The following PDE4DIP variants were observed in gnomAD, a reference collection of about 807,000 sequenced individuals.
PDE4DIP encodes phosphodiesterase 4D interacting protein, also known as myomegalin.
In PDE4DIP, 59 loss-of-function variants were observed where a neutral mutation model predicts 221.4. The ratio of observed to expected loss-of-function variants is 0.27; its 90% confidence interval spans 0.22 to 0.33. The LOEUF (loss-of-function observed/expected upper bound fraction) is 0.33. Among genes scored for constraint, PDE4DIP ranks in the 10% least tolerant of loss-of-function variants. The pLI is 1.00. For synonymous variants in PDE4DIP, 404 were observed against 815.9 expected (o/e 0.50, Z 8.60); for missense variants, 1,036 against 2,154.2 (o/e 0.48, Z 10.28).
At chr1:148,892,179 G>GA (rs1265805946) in intron 1 of PDE4DIP, among the ~76,000 whole-genome samples, 1 of 120,242 alleles carries the variant, frequency 8.3e-6, no homozygotes, top group Non-Finnish European at 1.6e-5. Flanking sequence ...ATTTTTAATA[G>GA]AGGCGGGGTT....
intron 4 of PDE4DIP, among the ~76,000 whole-genome samples, chr1:148,934,473 A>G (rs1396618383): frequency 6.6e-6 from 1 of 152,362 alleles, no homozygotes; most frequent in African/African-American, 2.4e-5. Flanking sequence ...AGATGAGCAA[A>G]GTTTGAGGTT....
chr1:148,820,555 CAAA>C (rs148261220), intron 1 of PDE4DIP, among the ~76,000 whole-genome samples: 267 of 39,032 alleles, frequency 6.8e-3, no homozygotes, highest in African/African-American at 0.019. Context: ...AACTCCATCT[CAAA>C]AAAAAAAAAA....
rs587648060 is a variant in PDE4DIP, at chr1:149,032,714, C to T, written c.*729C>T. On this transcript the variant is annotated 3_prime_UTR_variant, in exon 44 of 44. Transcript: ENST00000369354. The stretch of plus-strand genomic sequence containing the variant: ...CCCATTTTGTCACCCTATCTTATCT[C>T]GGGGAAATTGCAGACTGATGGCCAG... The T allele has an allele frequency of 4.1e-5, 9 of 221,350 alleles. No individual in the cohort carries two copies. In the East Asian group the frequency reaches 4.8e-4, roughly 12 times the overall value. The allele number at this position is 221,350 out of a possible 1,614,324, so 13.7% of individuals were successfully genotyped here.
chr1:148,998,018 G>A (rs587743340), intron 22 of PDE4DIP, 125 bp from the exon 26 acceptor site: 1 of 560,342 alleles, frequency 1.8e-6, no homozygotes. Context: ...TCTGGTTAGG[G>A]AGTTTATTTT....
At chr1:148,981,449 T>A in intron 21 of PDE4DIP, 52 bp downstream of exon 24, 1 of 1,611,592 alleles carries the variant, frequency 6.2e-7, no homozygotes, top group South Asian at 1.1e-5. Context: ...TACTGAGCAC[T>A]GGCGGGTCAG....
intron 22 of PDE4DIP, chr1:148,992,510 G>A: frequency 8.9e-7 from 1 of 1,126,996 alleles, no homozygotes; most frequent in Non-Finnish European, 1.1e-6. Flanking sequence ...TGGTGACTCA[G>A]TGATCAGCAG....
At chr1:149,030,305 G>A in intron 43 of PDE4DIP, 27 bp downstream of exon 46, 1 of 1,548,652 alleles carries the variant, frequency 6.5e-7, no homozygotes, top group Non-Finnish European at 8.7e-7. Flanking sequence ...ACCAGTCAGA[G>A]GCACCAAGCC....
chr1:148,862,245 T>C (rs1469149407), intron 1 of PDE4DIP, among the ~76,000 whole-genome samples: 1 of 151,364 alleles, frequency 6.6e-6, no homozygotes, highest in Non-Finnish European at 1.5e-5. Flanking sequence ...CCCCTTACTG[T>C]AAAAATTCCA....
chr1:148,820,846 T>TTA (rs1668987457), intron 1 of PDE4DIP, among the ~76,000 whole-genome samples: 1 of 133,092 alleles, frequency 7.5e-6, no homozygotes, highest in Non-Finnish European at 1.6e-5. Flanking sequence ...TATTTATTTA[T>TTA]TTATTTATTT....
intron 1 of PDE4DIP, chr1:148,844,663 A>C: frequency 2.6e-5 from 1 of 38,192 alleles, no homozygotes; most frequent in Non-Finnish European, 6.4e-5. Flanking sequence ...GCTGGGGAGG[A>C]AAAAGCTGCT....
exon 41 of PDE4DIP, chr1:149,028,688 G>A (rs2075872471): frequency 1.9e-6 from 3 of 1,594,708 alleles, no homozygotes; most frequent in East Asian, 4.8e-5. Flanking sequence ...ACATCCCTGT[G>A]CTGCCTGGCA....
intron 2 of PDE4DIP, chr1:148,930,498 CAG>C (rs1558845917): frequency 6.7e-6 from 1 of 148,928 alleles, no homozygotes; most frequent in African/African-American, 2.5e-5. Context: ...GCCTGGGCGA[CAG>C]AGCCAGACTC....
intron 23 of PDE4DIP, among the ~76,000 whole-genome samples, chr1:149,000,294 C>G (rs1258209839): frequency 7.2e-5 from 11 of 152,220 alleles, no homozygotes; most frequent in Non-Finnish European, 1.5e-4. Context: ...GTGGCTCATG[C>G]CTGTAATCTC....
rs782148470 is a variant in PDE4DIP, at chr1:149,016,295, C to T, written c.5267-4C>T. The T allele has an allele frequency of 3.7e-6, 6 of 1,613,846 alleles. No homozygotes were observed. The South Asian group carries it at 6.6e-5, about 18-fold the overall frequency. ...GCTTCTTACTAATGTTTCTTTCTGC[C>T]CAGGTGCCAGCACTGTTCCTCCTGC... On this transcript the variant is annotated splice_polypyrimidine_tract_variant and splice_region_variant and intron_variant, in intron 32 of 43. Coordinates refer to ENST00000369354, the Ensembl canonical transcript of PDE4DIP.
Position 148,977,931 on chromosome 1 carries a change from T to A in PDE4DIP, c.2320-6T>A. The A allele has an allele frequency of 6.2e-7, 1 of 1,610,776 alleles. No homozygotes were observed. Among genetic ancestry groups the A allele is most frequent in the East Asian group, 2.2e-5 (1 of 44,864 alleles). ...ACATGGCAGACATTGTTTCCTCTTT[T>A]CACAGATGGAACTTTCTGCTCTACA... On this transcript the variant is annotated splice_polypyrimidine_tract_variant and splice_region_variant and intron_variant, in intron 17 of 43. Coordinates refer to ENST00000369354, the Ensembl canonical transcript of PDE4DIP.
intron 33 of PDE4DIP, 23 bp from the exon 37 acceptor site, chr1:149,017,725 A>G: frequency 1.4e-6 from 2 of 1,451,940 alleles, no homozygotes; most frequent in Non-Finnish European, 1.9e-6. Context: ...ACCTCTCTTC[A>G]TGTCCTGGTG....
rs1328115616 is a variant in PDE4DIP, at chr1:148,990,612, G to A, written c.2816-1273G>A. On this transcript the variant is annotated intron_variant, in intron 21 of 43. Coordinates refer to ENST00000369354, the Ensembl canonical transcript of PDE4DIP. ...TAGTGAGGGCTAGTTGTGTAACCTT[G>A]GACTCACCACGTAATCTCTTAGAGG... Among the ~76,000 whole-genome samples, 4 of 149,102 alleles carry A rather than the reference G, an allele frequency of 2.7e-5. No individual in the cohort carries two copies. The East Asian group carries it at 7.9e-4, about 30-fold the overall frequency.
rs200015679 is a variant in PDE4DIP at position 148,820,893 on chromosome 1, C to G, written c.233+12156C>G. Among the ~76,000 whole-genome samples the G allele has an allele frequency of 5.4e-5, 8 of 147,052 alleles. No homozygotes were observed. The South Asian group carries it at 1.6e-3, about 29-fold the overall frequency. ...TTTGAGGCGGAGTCTCGCTGTTGCC[C>G]AGGCTGGAGTGCAGTGGGGCGATCT... On this transcript the variant is annotated intron_variant, in intron 1 of 45. Transcript: ENST00000524974.
chr1:148,884,820 G>A (rs2985355), upstream of PDE4DIP, among the ~76,000 whole-genome samples: 12 of 151,308 alleles, frequency 7.9e-5, no homozygotes, highest in South Asian at 2.1e-4. Flanking sequence ...ATATTTGTTC[G>A]GAACTGTTGT....
Sources: gnomAD v4.1 joint callset for allele counts (sites outside exome capture counted in the v4.1 genomes callset) on GRCh38, gnomAD v4.1.1 for gene constraint, MANE v1.5 for transcripts, NCBI Gene and HGNC (gene_info 2026-07-23, HGNC 2026-07-21) for gene names.